The following SV2C variants were observed in gnomAD, a reference collection of about 807,000 sequenced individuals.
SV2C encodes the protein synaptic vesicle glycoprotein 2C.
Under a neutral mutation model 79.7 loss-of-function variants are expected in SV2C, and 49 were observed. That is an observed-to-expected ratio of 0.61 (90% CI 0.49 to 0.78). The LOEUF is 0.78. SV2C is among the 30% of genes least tolerant of loss of function. The pLI is 0.00. For synonymous variants in SV2C, 334 were observed against 333.2 expected (o/e 1.00, Z -0.03); for missense variants, 833 against 912.9 (o/e 0.91, Z 1.13).
At chr5:76,022,162 C>A in the SV2C span, among the ~76,000 whole-genome samples, 5 of 152,304 alleles carry the variant, frequency 3.3e-5, no homozygotes, top group East Asian at 9.6e-4. Context: ...GGCATTAACT[C>A]ACTGGTGTCA....
At chr5:75,881,209 C>A in the SV2C span, among the ~76,000 whole-genome samples, 3 of 152,128 alleles carry the variant, frequency 2.0e-5, no homozygotes, top group East Asian at 1.9e-4. Context: ...TTGGAGTGGG[C>A]AAATACCCAA....
At chr5:76,226,451 A>G (rs1745247924) in intron 4 of SV2C, among the ~76,000 whole-genome samples, 1 of 152,166 alleles carries the variant, frequency 6.6e-6, no homozygotes, top group African/African-American at 2.4e-5. Flanking sequence ...TGATTTCCAA[A>G]AAAAAGGCAA....
the SV2C span, among the ~76,000 whole-genome samples, chr5:75,994,612 A>G: frequency 1.3e-5 from 2 of 152,152 alleles, no homozygotes; most frequent in African/African-American, 4.8e-5. Flanking sequence ...AACTGAAGGA[A>G]TATTTAGTAT....
intron 3 of SV2C, among the ~76,000 whole-genome samples, chr5:76,196,577 T>C (rs953773229): frequency 2.6e-5 from 4 of 152,168 alleles, no homozygotes; most frequent in African/African-American, 7.2e-5. Flanking sequence ...CTTGGGGCTA[T>C]TAGTTAAAGG....
chr5:76,069,897 G>C, the SV2C span, among the ~76,000 whole-genome samples: 1 of 151,274 alleles, frequency 6.6e-6, no homozygotes, highest in African/African-American at 2.4e-5. Flanking sequence ...GCCTAAGTTA[G>C]TCTCAGGTTC....
At chr5:75,965,599 C>A in the SV2C span, among the ~76,000 whole-genome samples, 2 of 152,242 alleles carry the variant, frequency 1.3e-5, no homozygotes, top group East Asian at 3.9e-4. Context: ...AAATAAACTT[C>A]TATGGTTTAT....
chr5:76,245,224 T>A (rs1745907375), intron 4 of SV2C, among the ~76,000 whole-genome samples: 1 of 152,168 alleles, frequency 6.6e-6, no homozygotes, highest in Admixed American at 6.5e-5. Context: ...AATTCCTCAA[T>A]GCCAGATTCC....
chr5:76,064,649 G>A, the SV2C span, among the ~76,000 whole-genome samples: 1 of 152,236 alleles, frequency 6.6e-6, no homozygotes, highest in African/African-American at 2.4e-5. Context: ...CAAATACCAA[G>A]GAAGGGCCCC....
intron 4 of SV2C, among the ~76,000 whole-genome samples, chr5:76,272,461 G>A (rs1746901880): frequency 6.6e-6 from 1 of 152,182 alleles, no homozygotes; most frequent in Non-Finnish European, 1.5e-5. Flanking sequence ...CTATTGTTGG[G>A]CTTTTTGGGT....
the SV2C span, among the ~76,000 whole-genome samples, chr5:75,881,942 G>A: frequency 2.8e-4 from 42 of 147,870 alleles, no homozygotes; most frequent in Non-Finnish European, 2.4e-4. Context: ...GTTTGTCATA[G>A]ATAGCTCTTA....
the SV2C span, among the ~76,000 whole-genome samples, chr5:76,033,431 G>C: frequency 0.016 from 2,367 of 152,292 alleles, 35 homozygotes; most frequent in South Asian, 0.049. Flanking sequence ...TGTATAAGGT[G>C]TAAGGAAGGG....
chr5:76,102,856 A>G (rs981106618), intron 1 of SV2C, among the ~76,000 whole-genome samples: 3 of 152,314 alleles, frequency 2.0e-5, no homozygotes, highest in Non-Finnish European at 4.4e-5. Flanking sequence ...TCTTTCATTG[A>G]TGTGCTTCTG....
At chr5:75,853,024 A>G in the SV2C span, among the ~76,000 whole-genome samples, 2,397 of 152,252 alleles carry the variant, frequency 0.016, 64 homozygotes, top group African/African-American at 0.055. Flanking sequence ...CAAAATTAGC[A>G]TAAATACATA....
At chr5:75,945,032 T>A in the SV2C span, among the ~76,000 whole-genome samples, 99 of 151,890 alleles carry the variant, frequency 6.5e-4, no homozygotes, top group Admixed American at 1.2e-3. Flanking sequence ...ATCAACAGAA[T>A]TAACAGAGGG....
Position 76,325,174 on chromosome 5 carries a change from A to G in SV2C, c.2001-190A>G, listed in dbSNP as rs532135110. ...TGGAAGCTATGGTAAGAAAGTCAAC[A>G]GAGGGCTGGAGGAACAATACCAACA... On this transcript the variant is annotated intron_variant, in intron 12 of 12. Coordinates refer to ENST00000502798, the MANE Select transcript of SV2C (RefSeq NM_014979.4). 5.3e-5 allele frequency among the ~76,000 whole-genome samples: 8 copies of G among 152,360 alleles called. No individual in the cohort carries two copies. The East Asian group carries it at 1.5e-3, about 29-fold the overall frequency.
chr5:76,286,402 A>G (rs894708723), intron 6 of SV2C, among the ~76,000 whole-genome samples: 34 of 152,312 alleles, frequency 2.2e-4, no homozygotes, highest in African/African-American at 8.2e-4. Context: ...GTATACTCAT[A>G]GCAGCCCCAT....
At chr5:76,291,883 GC>G in intron 8 of SV2C, 27 bp downstream of exon 8, 1 of 1,535,642 alleles carries the variant, frequency 6.5e-7, no homozygotes, top group Non-Finnish European at 9.0e-7. Flanking sequence ...TTCTTGGCAA[GC>G]AAAATCGTTC....
At chr5:76,174,965 T>C (rs1005458146) in intron 2 of SV2C, among the ~76,000 whole-genome samples, 1 of 152,238 alleles carries the variant, frequency 6.6e-6, no homozygotes, top group African/African-American at 2.4e-5. Flanking sequence ...TCTCATGTGT[T>C]CTGCTGGCAC....
At chr5:76,157,414 T>C (rs1242755405) in intron 2 of SV2C, among the ~76,000 whole-genome samples, 3 of 151,990 alleles carry the variant, frequency 2.0e-5, no homozygotes, top group Admixed American at 6.6e-5. Context: ...AATGCTAAAG[T>C]TATTTAGTCT....
Sources: gnomAD v4.1 joint callset for allele counts (sites outside exome capture counted in the v4.1 genomes callset) on GRCh38, gnomAD v4.1.1 for gene constraint, MANE v1.5 for transcripts, NCBI Gene and HGNC (gene_info 2026-07-23, HGNC 2026-07-21) for gene names.